ADAMTS6: variants seen among roughly 807,000 people sequenced by gnomAD.
The protein encoded by ADAMTS6 is A disintegrin and metalloproteinase with thrombospondin motifs 6.
Under a neutral mutation model 144.3 loss-of-function variants are expected in ADAMTS6, and 23 were observed. The observed-to-expected ratio is 0.16, with a 90% CI of 0.11 to 0.23. ADAMTS6 has a LOEUF of 0.23. ADAMTS6 is among the 10% of genes least tolerant of loss of function. The pLI, the probability that ADAMTS6 is intolerant of heterozygous loss-of-function variation, is 1.00. For synonymous variants in ADAMTS6, 444 were observed against 457.5 expected (o/e 0.97, Z 0.38); for missense variants, 999 against 1,379.6 (o/e 0.72, Z 4.37).
At chr5:65,303,974 A>G (rs1463113109) in intron 9 of ADAMTS6, among the ~76,000 whole-genome samples, 2 of 152,186 alleles carry the variant, frequency 1.3e-5, no homozygotes, top group African/African-American at 2.4e-5. Context: ...AATAAGGTAC[A>G]TGATTTTTAA....
At chr5:65,277,669 C>G in intron 11 of ADAMTS6, among the ~76,000 whole-genome samples, 1 of 151,626 alleles carries the variant, frequency 6.6e-6, no homozygotes, top group East Asian at 1.9e-4. Flanking sequence ...CTGTAAAATT[C>G]CCAAGGGCAG....
At chr5:65,372,411 G>A (rs1224736983) in intron 7 of ADAMTS6, among the ~76,000 whole-genome samples, 2 of 151,748 alleles carry the variant, frequency 1.3e-5, no homozygotes, top group South Asian at 4.2e-4. Flanking sequence ...GATGGAGGAA[G>A]ATCTACCAAG....
intron 24 of ADAMTS6, among the ~76,000 whole-genome samples, chr5:65,163,616 A>G (rs1223567359): frequency 1.3e-5 from 2 of 152,248 alleles, no homozygotes; most frequent in Non-Finnish European, 2.9e-5. Flanking sequence ...GATCAAAAGA[A>G]AGAGATCTCT....
chr5:65,378,494 A>G (rs1751752706), intron 7 of ADAMTS6, among the ~76,000 whole-genome samples: 1 of 151,958 alleles, frequency 6.6e-6, no homozygotes, highest in South Asian at 2.1e-4. Flanking sequence ...TTCTATATAC[A>G]CTGCTTTCTT....
intron 7 of ADAMTS6, among the ~76,000 whole-genome samples, chr5:65,373,853 T>A (rs1751229897): frequency 6.6e-6 from 1 of 151,792 alleles, no homozygotes; most frequent in Non-Finnish European, 1.5e-5. Flanking sequence ...GATGCAAAAA[T>A]CCTCAATAAA....
intron 7 of ADAMTS6, among the ~76,000 whole-genome samples, chr5:65,422,447 C>A (rs375569494): frequency 1.3e-5 from 2 of 152,106 alleles, no homozygotes; most frequent in African/African-American, 4.8e-5. Flanking sequence ...CAGGGTGAAA[C>A]CCTGTTGCTA....
At chr5:65,240,647 C>T (rs1253685515) in intron 15 of ADAMTS6, among the ~76,000 whole-genome samples, 1 of 152,072 alleles carries the variant, frequency 6.6e-6, no homozygotes, top group Admixed American at 6.6e-5. Flanking sequence ...CATGAGGATA[C>T]AATGAGAAAA....
intron 1 of ADAMTS6, among the ~76,000 whole-genome samples, chr5:65,475,724 T>A (rs927510804): frequency 2.6e-5 from 4 of 151,954 alleles, no homozygotes; most frequent in African/African-American, 4.8e-5. Flanking sequence ...CAGAAAAAAA[T>A]GGGAAATAGT....
At chr5:65,200,711 C>G (rs1416897684) in intron 20 of ADAMTS6, among the ~76,000 whole-genome samples, 1 of 151,896 alleles carries the variant, frequency 6.6e-6, no homozygotes, top group Non-Finnish European at 1.5e-5. Flanking sequence ...GGCATGCAAA[C>G]TGTATGTATA....
chr5:65,431,693 G>A lies in ADAMTS6; in HGVS notation c.1073+19782C>T, dbSNP rs577583983. Among the ~76,000 whole-genome samples, 79 of 152,110 alleles carry A rather than the reference G, an allele frequency of 5.2e-4. 1 individual carries two copies. The highest frequency in any genetic ancestry group is 6.8e-3 in the Middle Eastern group (2 of 292). ...ACCACTTTTGCATTTTTTGTAACAG[G>A]CAAACATAATTGCCACATAGAGAAA... On this transcript the variant is annotated intron_variant, in intron 7 of 24. Transcript: ENST00000381055.
At chr5:65,437,396 G>A (rs55881998) in intron 7 of ADAMTS6, among the ~76,000 whole-genome samples, 12,153 of 151,880 alleles carry the variant, frequency 0.08, 564 homozygotes, top group Non-Finnish European at 0.11. Context: ...ACTCGGCCCC[G>A]GAAACTCCCA....
chr5:65,253,949 A>G (rs1047308033), intron 14 of ADAMTS6, among the ~76,000 whole-genome samples: 15 of 148,724 alleles, frequency 1.0e-4, no homozygotes, highest in African/African-American at 3.2e-4. Context: ...CACTCAAGCA[A>G]TCCTCCCACC....
chr5:65,309,410 T>C (rs1744255545), intron 9 of ADAMTS6, among the ~76,000 whole-genome samples: 1 of 146,540 alleles, frequency 6.8e-6, no homozygotes. Flanking sequence ...ATGTAATCCC[T>C]GTTGATCTGA....
At chr5:65,202,283 C>T (rs1263983947) in intron 20 of ADAMTS6, among the ~76,000 whole-genome samples, 1 of 152,264 alleles carries the variant, frequency 6.6e-6, no homozygotes, top group East Asian at 1.9e-4. Context: ...CAAAATGTAG[C>T]TCTAAAAATA....
At chr5:65,323,462 G>A (rs771438668) in intron 9 of ADAMTS6, among the ~76,000 whole-genome samples, 5 of 151,698 alleles carry the variant, frequency 3.3e-5, no homozygotes, top group Admixed American at 2.0e-4. Context: ...ATTTTTTATG[G>A]CTGCATAGTA....
At chr5:65,374,147 A>T (rs1266615524) in intron 7 of ADAMTS6, among the ~76,000 whole-genome samples, 1 of 152,182 alleles carries the variant, frequency 6.6e-6, no homozygotes, top group East Asian at 1.9e-4. Flanking sequence ...CCCACAGCCA[A>T]TATCATACTG....
chr5:65,391,488 C>T (rs1395545728), intron 7 of ADAMTS6, among the ~76,000 whole-genome samples: 2 of 151,656 alleles, frequency 1.3e-5, no homozygotes, highest in Admixed American at 6.6e-5. Flanking sequence ...TGGCCCTTTA[C>T]CCCTTAATAT....
Position 65,334,027 on chromosome 5 carries a change from C to CAAAAA in ADAMTS6, c.1117+14_1117+15insTTTTT. On this transcript the variant is annotated intron_variant, in intron 8 of 24. Transcript: ENST00000381055. ...AAAAAAAAAAAAAAAAAAAAAAAAA[C>CAAAAA]CAAAAAAAACTTACCCAGTGTTCCA... 4.0e-6 allele frequency: 2 copies of CAAAAA among 500,716 alleles called. No homozygotes were observed. The highest frequency in any genetic ancestry group is 5.4e-6 in the Non-Finnish European group (2 of 371,898). 31.0% of individuals were successfully genotyped at this position (500,716 alleles called of 1,614,324 possible).
chr5:65,312,309 T>A (rs1744571159), intron 9 of ADAMTS6, among the ~76,000 whole-genome samples: 1 of 151,974 alleles, frequency 6.6e-6, no homozygotes, highest in African/African-American at 2.4e-5. Context: ...AAAAGGACAT[T>A]CTTAATTTAG....
Sources: allele counts gnomAD v4.1 joint callset (sites outside exome capture counted in the v4.1 genomes callset), GRCh38; gene constraint gnomAD v4.1.1; transcripts MANE v1.5; gene names NCBI Gene and HGNC (gene_info 2026-07-23, HGNC 2026-07-21).